UBASH3B: variants seen among roughly 807,000 people sequenced by gnomAD.
UBASH3B encodes the protein ubiquitin-associated and SH3 domain-containing protein B.
Under a neutral mutation model 83.4 loss-of-function variants are expected in UBASH3B, and 37 were observed. That is an observed-to-expected ratio of 0.44 (90% CI 0.34 to 0.58). UBASH3B has a LOEUF of 0.58. Ranked by LOEUF, UBASH3B falls within the 20% of genes least tolerant of loss-of-function variation. The pLI is 0.01. For synonymous variants in UBASH3B, 304 were observed against 318.3 expected, an observed-to-expected ratio of 0.96 and a Z score of 0.48; for missense variants, 657 against 827.2, an observed-to-expected ratio of 0.79 and a Z score of 2.52.
intron 10 of UBASH3B, among the ~76,000 whole-genome samples, 184 bp downstream of exon 10, chr11:122,799,218 C>T (rs1029713433): frequency 2.6e-5 from 4 of 152,116 alleles, no homozygotes; most frequent in African/African-American, 4.8e-5. Context: ...GGGCCGGGCA[C>T]GGTGGCTCAT....
intron 1 of UBASH3B, among the ~76,000 whole-genome samples, chr11:122,690,224 ATATATC>A (rs1565530370): frequency 3.1e-4 from 42 of 133,528 alleles, no homozygotes; most frequent in African/African-American, 9.4e-4. Context: ...TTATATATAT[ATATATC>A]CAATTTTATA....
At chr11:122,797,324 C>A (rs1373086072) in intron 9 of UBASH3B, 4 of 255,182 alleles carry the variant, frequency 1.6e-5, no homozygotes, top group African/African-American at 6.8e-5. Context: ...GCTTCTAGTT[C>A]AAGACAGCAG....
intron 1 of UBASH3B, among the ~76,000 whole-genome samples, chr11:122,740,111 G>C (rs568901483): frequency 2.0e-5 from 3 of 152,276 alleles, no homozygotes; most frequent in African/African-American, 7.2e-5. Context: ...CTTGGTGCCT[G>C]GCATCTGCAG....
chr11:122,794,896 A>G, intron 7 of UBASH3B, 62 bp downstream of exon 7: 1 of 1,603,282 alleles, frequency 6.2e-7, no homozygotes, highest in Non-Finnish European at 8.5e-7. Flanking sequence ...GAACCTATTT[A>G]TTAAGCATGA....
chr11:122,751,876 G>A (rs1861205059), intron 1 of UBASH3B, among the ~76,000 whole-genome samples: 1 of 152,154 alleles, frequency 6.6e-6, no homozygotes, highest in Non-Finnish European at 1.5e-5. Context: ...GAGTCATGGA[G>A]GTTTGATCTA....
intron 1 of UBASH3B, among the ~76,000 whole-genome samples, chr11:122,689,035 A>G (rs1226514900): frequency 6.7e-6 from 1 of 148,638 alleles, no homozygotes; most frequent in East Asian, 2.0e-4. Flanking sequence ...CCTGACCTCA[A>G]GTGATCCACT....
chr11:122,721,375 G>T (rs543857620), intron 1 of UBASH3B, among the ~76,000 whole-genome samples: 2 of 152,100 alleles, frequency 1.3e-5, no homozygotes, highest in African/African-American at 2.4e-5. Context: ...CAGCACTACG[G>T]GGGGGTGGGA....
intron 1 of UBASH3B, among the ~76,000 whole-genome samples, chr11:122,753,957 C>T (rs1861243012): frequency 6.6e-6 from 1 of 152,186 alleles, no homozygotes; most frequent in South Asian, 2.1e-4. Context: ...ACTCCTAGTG[C>T]AGCGATGTCC....
At chr11:122,670,806 A>T (rs1863584480) in intron 1 of UBASH3B, among the ~76,000 whole-genome samples, 1 of 152,122 alleles carries the variant, frequency 6.6e-6, no homozygotes, top group Non-Finnish European at 1.5e-5. Context: ...TCTGTTGCCC[A>T]GGCTGGAGTG....
At chr11:122,796,312 C>A (rs779787068) in intron 8 of UBASH3B, 36 bp downstream of exon 8, 7 of 1,607,870 alleles carry the variant, frequency 4.4e-6, no homozygotes, top group Non-Finnish European at 4.3e-6. Context: ...CACTGCCATA[C>A]CCATAGTGGC....
chr11:122,705,072 G>C (rs891551213), intron 1 of UBASH3B, among the ~76,000 whole-genome samples: 6 of 152,302 alleles, frequency 3.9e-5, no homozygotes, highest in Non-Finnish European at 7.4e-5. Flanking sequence ...TGCACAGACA[G>C]AAACTATCCC....
intron 1 of UBASH3B, among the ~76,000 whole-genome samples, chr11:122,698,206 C>T (rs1481870839): frequency 6.6e-6 from 1 of 152,168 alleles, no homozygotes; most frequent in East Asian, 1.9e-4. Flanking sequence ...TTGGAATTCT[C>T]CTCTGTCGTA....
At chr11:122,744,522 C>T (rs931656895) in intron 1 of UBASH3B, among the ~76,000 whole-genome samples, 2 of 151,576 alleles carry the variant, frequency 1.3e-5, no homozygotes, top group South Asian at 2.1e-4. Context: ...TCTATGAGCT[C>T]GTGTTGTGAC....
Position 122,753,268 on chromosome 11 carries a change from T to C in UBASH3B, c.162-22951T>C, listed in dbSNP as rs180757414. On this transcript the variant is annotated intron_variant, in intron 1 of 13. Transcript: ENST00000284273. Reference sequence around the variant, plus strand: ...AGACCAGCCTGGCTCCTGGTCAACATGGTGAAACCCCGTCTCTACTAAAAA... The same window carrying C: ...AGACCAGCCTGGCTCCTGGTCAACACGGTGAAACCCCGTCTCTACTAAAAA... Among the ~76,000 whole-genome samples, 17 of 151,726 alleles carry C rather than the reference T, an allele frequency of 1.1e-4. No individual in the cohort carries two copies. In the East Asian group the frequency reaches 2.6e-3, roughly 23 times the overall value.
intron 8 of UBASH3B, 127 bp from the exon 9 acceptor site, chr11:122,796,784 C>A: frequency 2.4e-6 from 3 of 1,269,100 alleles, no homozygotes; most frequent in Non-Finnish European, 3.3e-6. Context: ...TTTCTATCAG[C>A]TCCAGAGAGC....
intron 11 of UBASH3B, among the ~76,000 whole-genome samples, chr11:122,804,360 G>A (rs1457945242): frequency 6.6e-6 from 1 of 152,178 alleles, no homozygotes; most frequent in Non-Finnish European, 1.5e-5. Context: ...CAGGCATGCT[G>A]AGAGAATGCA....
intron 1 of UBASH3B, among the ~76,000 whole-genome samples, chr11:122,700,124 A>T (rs775479262): frequency 4.6e-5 from 7 of 152,194 alleles, no homozygotes; most frequent in Non-Finnish European, 1.0e-4. Flanking sequence ...AGAGGCCAAG[A>T]GAAACTGAGG....
intron 1 of UBASH3B, among the ~76,000 whole-genome samples, chr11:122,737,664 G>T (rs1431222321): frequency 6.6e-6 from 1 of 151,908 alleles, no homozygotes; most frequent in African/African-American, 2.4e-5. Context: ...TGGATGCTCT[G>T]CCCTGAGCCA....
chr11:122,767,671 C>T (rs1860574321), intron 1 of UBASH3B, among the ~76,000 whole-genome samples: 1 of 152,136 alleles, frequency 6.6e-6, no homozygotes, highest in African/African-American at 2.4e-5. Flanking sequence ...CAAAACTTTA[C>T]CACAGAGAGG....
Sources: gnomAD v4.1 joint callset for allele counts (sites outside exome capture counted in the v4.1 genomes callset) on GRCh38, gnomAD v4.1.1 for gene constraint, MANE v1.5 for transcripts, NCBI Gene and HGNC (gene_info 2026-07-23, HGNC 2026-07-21) for gene names.